DMXL1: variants seen among roughly 807,000 people sequenced by gnomAD.
DMXL1 encodes the protein Dmx like 1, also known as dmX-like protein 1.
DMXL1 carries 99 observed loss-of-function variants against 319.2 expected under a neutral mutation model. The observed-to-expected ratio is 0.31, with a 90% CI of 0.26 to 0.37. The LOEUF is 0.37. Ranked by LOEUF, DMXL1 falls within the 10% of genes least tolerant of loss-of-function variation. The pLI is 1.00. For synonymous variants in DMXL1, 1,385 were observed against 1,235.2 expected, an observed-to-expected ratio of 1.12 and a Z score of -2.54; for missense variants, 3,745 against 3,595.6, an observed-to-expected ratio of 1.04 and a Z score of -1.06.
At chr5:119,193,681 A>C in intron 29 of DMXL1, 147 bp from the exon 30 acceptor site, 1 of 772,762 alleles carries the variant, frequency 1.3e-6, no homozygotes, top group Admixed American at 2.9e-5. Context: ...AATTGATGTC[A>C]AAGGCATAGG....
At chr5:119,204,723 T>C (rs912262063) in intron 33 of DMXL1, among the ~76,000 whole-genome samples, 7 of 152,166 alleles carry the variant, frequency 4.6e-5, no homozygotes, top group South Asian at 2.1e-4. Context: ...CCTGGACTGG[T>C]AACGAAGAGT....
At position 119,176,312 on chromosome 5, in the gene DMXL1, C is replaced by T. The variant is rs756975271; in HGVS notation, c.6758+975C>T. 2.0e-5 allele frequency among the ~76,000 whole-genome samples: 3 copies of T among 151,928 alleles called. 1 individual carries two copies. The South Asian group carries it at 6.2e-4, about 31-fold the overall frequency. The stretch of plus-strand genomic sequence containing the variant: ...GAGTTTGTTATTTCTTACATGGTGT[C>T]AGCCTTCCTTGTTAATTTTTGGTTG... On this transcript the variant is annotated intron_variant, in intron 26 of 43. Coordinates refer to ENST00000539542, the MANE Select transcript of DMXL1 (RefSeq NM_001290321.3).
intron 38 of DMXL1, among the ~76,000 whole-genome samples, chr5:119,225,159 A>G (rs1267627208): frequency 6.6e-6 from 1 of 151,986 alleles, no homozygotes; most frequent in Non-Finnish European, 1.5e-5. Flanking sequence ...AACCTTTATT[A>G]CATAAGCCAC....
At chr5:119,130,404 A>C (rs1764597562) in intron 10 of DMXL1, among the ~76,000 whole-genome samples, 1 of 151,558 alleles carries the variant, frequency 6.6e-6, no homozygotes, top group African/African-American at 2.4e-5. Context: ...GTGCAGTGGC[A>C]CAATCTTGGC....
Position 119,148,911 on chromosome 5 carries a change from A to G in DMXL1, c.3084A>G (p.Leu1028=), listed in dbSNP as rs1769168900. The change falls in exon 18 of 44, where the codon TTA becomes TTG. Residue 1028 remains leucine, a synonymous_variant. Coordinates refer to ENST00000539542, the MANE Select transcript of DMXL1 (RefSeq NM_001290321.3). ...DLAYIWEEWP[L]LIEDGLQSNS... ...CATACATTTGGGAAGAATGGCCATT[A>G]CTTATTGAAGATGGACTTCAGAGCA... 6.2e-7 allele frequency: 1 copy of G among 1,613,784 alleles called. No individual in the cohort carries two copies.
At chr5:119,241,081 A>C (rs1788697548) in intron 42 of DMXL1, among the ~76,000 whole-genome samples, 1 of 152,190 alleles carries the variant, frequency 6.6e-6, no homozygotes. Flanking sequence ...TGTTTACTGG[A>C]TACCTTATTA....
chr5:119,199,153 G>A (rs1040046432), intron 32 of DMXL1, among the ~76,000 whole-genome samples: 4 of 152,126 alleles, frequency 2.6e-5, no homozygotes, highest in African/African-American at 7.2e-5. Flanking sequence ...CCCCCAAAGT[G>A]CTGGGATTTT....
chr5:119,092,357 C>T (rs1346121528), intron 1 of DMXL1, among the ~76,000 whole-genome samples: 1 of 151,748 alleles, frequency 6.6e-6, no homozygotes, highest in Non-Finnish European at 1.5e-5. Flanking sequence ...TGGGCTCAAG[C>T]GATCTTTTCT....
intron 28 of DMXL1, 51 bp from the exon 29 acceptor site, chr5:119,189,656 AT>A: frequency 6.5e-7 from 1 of 1,549,180 alleles, no homozygotes; most frequent in South Asian, 1.1e-5. Flanking sequence ...CACAGGTGAA[AT>A]AAATGCAATG....
At chr5:119,208,845 C>T (rs561253924) in intron 34 of DMXL1, among the ~76,000 whole-genome samples, 1 of 152,242 alleles carries the variant, frequency 6.6e-6, no homozygotes, top group South Asian at 2.1e-4. Flanking sequence ...TTTAATCCCT[C>T]CATTTTTTTT....
chr5:119,091,550 T>C (rs1156441355), intron 1 of DMXL1, among the ~76,000 whole-genome samples: 5 of 152,172 alleles, frequency 3.3e-5, no homozygotes, highest in African/African-American at 1.2e-4. Flanking sequence ...TTTGCATTTA[T>C]GGATTAGTTA....
chr5:119,196,872 A>T (rs1382626070), intron 31 of DMXL1, among the ~76,000 whole-genome samples: 2 of 152,192 alleles, frequency 1.3e-5, no homozygotes, highest in East Asian at 3.8e-4. Flanking sequence ...CCTATATATG[A>T]TAAGGTAAAC....
chr5:119,199,087 C>G (rs1780200442), intron 32 of DMXL1, among the ~76,000 whole-genome samples: 1 of 152,078 alleles, frequency 6.6e-6, no homozygotes, highest in South Asian at 2.1e-4. Flanking sequence ...AGGGTTTCAC[C>G]TTGTTACTCA....
At chr5:119,224,994 T>C (rs1046171284) in intron 38 of DMXL1, among the ~76,000 whole-genome samples, 1 of 151,940 alleles carries the variant, frequency 6.6e-6, no homozygotes, top group Non-Finnish European at 1.5e-5. Context: ...TGAAGTAAAT[T>C]TTTTGACATT....
At chr5:119,168,164 G>T (rs899346496) in intron 23 of DMXL1, among the ~76,000 whole-genome samples, 3 of 152,150 alleles carry the variant, frequency 2.0e-5, no homozygotes, top group Admixed American at 2.0e-4. Flanking sequence ...TTAAATCTTA[G>T]GTTGAATTTA....
intron 21 of DMXL1, among the ~76,000 whole-genome samples, chr5:119,166,170 C>CT (rs544399337): frequency 2.0e-3 from 299 of 152,210 alleles, no homozygotes; most frequent in African/African-American, 6.9e-3. Flanking sequence ...GAACAGCGAC[C>CT]TTTGGGGGAA....
intron 34 of DMXL1, among the ~76,000 whole-genome samples, chr5:119,207,419 A>G (rs903149060): frequency 6.6e-6 from 1 of 152,216 alleles, no homozygotes; most frequent in Non-Finnish European, 1.5e-5. Flanking sequence ...ATACATAGTA[A>G]GTACTCATGG....
At chr5:119,082,054 CACAT>C (rs1157762446) in intron 1 of DMXL1, among the ~76,000 whole-genome samples, 134 of 144,656 alleles carry the variant, frequency 9.3e-4, no homozygotes, top group Admixed American at 3.6e-3. Flanking sequence ...CACACACACA[CACAT>C]ACACGTATAT....
intron 19 of DMXL1, among the ~76,000 whole-genome samples, chr5:119,159,682 T>C (rs962778056): frequency 1.3e-5 from 2 of 152,246 alleles, no homozygotes; most frequent in Non-Finnish European, 2.9e-5. Flanking sequence ...TGGAGTGCCG[T>C]GGCGCCTCGC....
Sources: gnomAD v4.1 joint callset for allele counts (sites outside exome capture counted in the v4.1 genomes callset) on GRCh38, gnomAD v4.1.1 for gene constraint, MANE v1.5 for transcripts, NCBI Gene and HGNC (gene_info 2026-07-23, HGNC 2026-07-21) for gene names.